EHBP1: variants seen among roughly 807,000 people sequenced by gnomAD.
The protein encoded by EHBP1 is EH domain binding protein 1, also known as EH domain-binding protein 1.
A neutral mutation model predicts 144.0 loss-of-function variants in EHBP1; 55 were observed. That is an observed-to-expected ratio of 0.38 (90% confidence interval 0.31 to 0.48). The LOEUF (loss-of-function observed/expected upper bound fraction) is 0.48, where lower values mean the gene tolerates loss of function less well. Ranked by LOEUF, EHBP1 falls within the 20% of genes least tolerant of loss-of-function variation. The pLI, the probability that EHBP1 is intolerant of heterozygous loss-of-function variation, is 0.98. For synonymous variants in EHBP1, 469 were observed against 472.7 expected, an observed-to-expected ratio of 0.99 and a Z score of 0.10; for missense variants, 1,200 against 1,364.2, an observed-to-expected ratio of 0.88 and a Z score of 1.90.
chr2:63,006,101 G>A (rs184170072), intron 19 of EHBP1, among the ~76,000 whole-genome samples: 16 of 152,004 alleles, frequency 1.1e-4, no homozygotes, highest in East Asian at 1.9e-4. Flanking sequence ...ACACTTTTGC[G>A]TATCTTTCCA....
At chr2:62,842,129 C>G (rs2047936180) in intron 7 of EHBP1, among the ~76,000 whole-genome samples, 1 of 151,796 alleles carries the variant, frequency 6.6e-6, no homozygotes, top group Non-Finnish European at 1.5e-5. Context: ...CTTTGTTGCC[C>G]AGGCTGGAGT....
chr2:62,829,021 G>C (rs1014355646), intron 6 of EHBP1, among the ~76,000 whole-genome samples: 2 of 151,944 alleles, frequency 1.3e-5, no homozygotes, highest in African/African-American at 4.8e-5. Context: ...AGGAGGCTAA[G>C]GCGGGATGAT....
At chr2:62,680,245 C>T (rs558548234) in intron 1 of EHBP1, among the ~76,000 whole-genome samples, 30 of 152,276 alleles carry the variant, frequency 2.0e-4, no homozygotes, top group African/African-American at 7.2e-4. Flanking sequence ...TGCAGAGTTC[C>T]TCCCCTCTCA....
intron 12 of EHBP1, among the ~76,000 whole-genome samples, chr2:62,947,902 G>A (rs1354120941): frequency 6.6e-6 from 1 of 152,076 alleles, no homozygotes; most frequent in Non-Finnish European, 1.5e-5. Flanking sequence ...GCAATTACAT[G>A]ACTGTGGAAA....
chr2:62,855,365 T>C (rs1340736967), intron 7 of EHBP1, among the ~76,000 whole-genome samples: 6 of 152,116 alleles, frequency 3.9e-5, no homozygotes, highest in African/African-American at 1.4e-4. Context: ...GGGGAGCTGA[T>C]GGGTGGCTGA....
chr2:62,955,071 G>A (rs1023514834), intron 13 of EHBP1, among the ~76,000 whole-genome samples: 4 of 151,730 alleles, frequency 2.6e-5, no homozygotes, highest in African/African-American at 7.3e-5. Flanking sequence ...ACATTCTCAA[G>A]GATTTAAAGG....
intron 2 of EHBP1, among the ~76,000 whole-genome samples, chr2:62,720,298 C>T (rs779675276): frequency 6.6e-6 from 1 of 152,128 alleles, no homozygotes; most frequent in Non-Finnish European, 1.5e-5. Flanking sequence ...TAATGCTTTC[C>T]TGGCCCCTCT....
intron 19 of EHBP1, among the ~76,000 whole-genome samples, chr2:63,020,341 A>AG (rs986989767): frequency 6.6e-6 from 1 of 150,452 alleles, no homozygotes; most frequent in Non-Finnish European, 1.5e-5. Context: ...AAAAAAAAAA[A>AG]AAAAAGAAAA....
intron 10 of EHBP1, among the ~76,000 whole-genome samples, chr2:62,931,776 T>TTAG (rs1337779959): frequency 6.6e-6 from 1 of 152,208 alleles, no homozygotes; most frequent in Non-Finnish European, 1.5e-5. Flanking sequence ...TGTTAGTCAC[T>TTAG]TAGTAGTGGC....
Position 62,707,231 on chromosome 2 carries a change from C to G in EHBP1, c.40C>G (p.His14Asp). The G allele has an allele frequency of 6.2e-7, 1 of 1,614,206 alleles. No individual in the cohort carries two copies. The highest frequency in any genetic ancestry group is 1.3e-5 in the African/African-American group (1 of 75,064). ...VWKRLQRVGK[H>D]ASKFQFVASY... is the part of the protein sequence containing the mutation. ...GAAGAGACTGCAGCGTGTGGGAAAA[C>G]ATGCATCCAAGTTCCAGTTTGTGGC... Residue 14 changes from histidine to aspartate, a missense_variant, in exon 2 of 23, where the codon CAT becomes GAT. Physicochemically the swap from His to Asp is moderately conservative, Grantham distance 81. Around this residue, in one of 6 missense-constraint regions of EHBP1, gnomAD observed 137 missense variants for 190.1 expected, o/e 0.72. Transcript: ENST00000431489.
intron 19 of EHBP1, among the ~76,000 whole-genome samples, chr2:63,030,733 T>G (rs1172030702): frequency 6.6e-6 from 1 of 150,652 alleles, no homozygotes; most frequent in Non-Finnish European, 1.5e-5. Context: ...TCTAATGATC[T>G]GCCTGCCTCG....
At chr2:62,751,941 G>T (rs901033725) in intron 3 of EHBP1, among the ~76,000 whole-genome samples, 1 of 151,944 alleles carries the variant, frequency 6.6e-6, no homozygotes, top group African/African-American at 2.4e-5. Flanking sequence ...CCAGCTCCTG[G>T]ATTCATTTTT....
chr2:62,826,187 T>G lies in EHBP1; in HGVS notation c.413T>G (p.Phe138Cys), dbSNP rs748080706. Residue 138 changes from phenylalanine to cysteine, a missense_variant, in exon 6 of 23, where the codon TTC (phenylalanine) becomes TGC (cysteine). By Grantham distance (205) the Phe-to-Cys change is radical. This residue lies in a region of EHBP1 where 137 missense variants were observed against 190.1 expected (regional missense o/e 0.72). Coordinates refer to ENST00000431489, the MANE Select transcript of EHBP1 (RefSeq NM_001142616.3). ...MPTQTDVKLK[F>C]KPLSKKVVSA... ...ACTCAGACTGATGTCAAGTTAAAAT[T>G]CAAGCCATTATCTAAAAAAGTTGTA... is the stretch of plus-strand genomic sequence containing the variant. 1 of 1,611,984 alleles carries G rather than the reference T, an allele frequency of 6.2e-7. No individual in the cohort carries two copies. Among genetic ancestry groups the G allele is most frequent in the Non-Finnish European group, 8.5e-7 (1 of 1,179,026 alleles).
chr2:62,757,415 C>CT (rs869184433), intron 3 of EHBP1, among the ~76,000 whole-genome samples: 29 of 121,866 alleles, frequency 2.4e-4, no homozygotes, highest in African/African-American at 3.7e-4. Context: ...TTCTTTCTTT[C>CT]TTTTTTTTTT....
chr2:62,777,614 A>G (rs2042136646), intron 5 of EHBP1, among the ~76,000 whole-genome samples: 1 of 152,210 alleles, frequency 6.6e-6, no homozygotes. Flanking sequence ...TCTTACTGCT[A>G]TATAAAATAA....
intron 5 of EHBP1, among the ~76,000 whole-genome samples, chr2:62,774,894 G>A (rs538891114): frequency 2.3e-4 from 35 of 152,126 alleles, no homozygotes; most frequent in African/African-American, 7.9e-4. Context: ...AAATCTCATC[G>A]CTGTGTAGTT....
At position 62,993,673 on chromosome 2, in the gene EHBP1, A is replaced by T; in HGVS notation, c.2872+5A>T. 1 of 1,550,940 alleles carries T rather than the reference A, an allele frequency of 6.4e-7. No homozygotes were observed. The highest frequency in any genetic ancestry group is 8.7e-7 in the Non-Finnish European group (1 of 1,146,364). The stretch of plus-strand genomic sequence containing the variant: ...AATATATTGAGAATAGACCAGGTAG[A>T]ACACTTTTTAAAATGTTTTTCCATG... On this transcript the variant is annotated splice_donor_5th_base_variant and intron_variant, in intron 17 of 22. Transcript: ENST00000431489.
chr2:62,736,657 C>A (rs2038167261), intron 2 of EHBP1, among the ~76,000 whole-genome samples: 1 of 152,120 alleles, frequency 6.6e-6, no homozygotes, highest in African/African-American at 2.4e-5. Flanking sequence ...TGTTTTTGAT[C>A]TCTAGCATTT....
At chr2:62,720,966 A>G (rs1413610300) in intron 2 of EHBP1, among the ~76,000 whole-genome samples, 3 of 152,228 alleles carry the variant, frequency 2.0e-5, no homozygotes, top group East Asian at 1.9e-4. Context: ...TAAAATTTGA[A>G]TAAATAAATT....
Sources: allele counts gnomAD v4.1 joint callset (sites outside exome capture counted in the v4.1 genomes callset), GRCh38; gene constraint gnomAD v4.1.1; regional missense constraint gnomAD v4.1.1; transcripts MANE v1.5; gene names NCBI Gene and HGNC (gene_info 2026-07-23, HGNC 2026-07-21).